LASP1: variants seen among roughly 807,000 people sequenced by gnomAD.
The protein encoded by LASP1 is LIM and SH3 domain protein 1.
Under a neutral mutation model 38.6 loss-of-function variants are expected in LASP1, and 10 were observed. The ratio of observed to expected loss-of-function variants is 0.26; its 90% CI spans 0.16 to 0.44. The LOEUF (loss-of-function observed/expected upper bound fraction) is 0.44. LASP1 is among the 20% of genes least tolerant of loss of function. LASP1 has a pLI of 1.00. For synonymous variants in LASP1, 132 were observed against 140.8 expected (o/e 0.94, Z 0.44); for missense variants, 243 against 375.7 (o/e 0.65, Z 2.92).
At chr17:38,912,966 C>T (rs1598121509) in intron 4 of LASP1, among the ~76,000 whole-genome samples, 1 of 152,160 alleles carries the variant, frequency 6.6e-6, no homozygotes, top group Non-Finnish European at 1.5e-5. Context: ...CTGGTTCCCC[C>T]AAACTGGCCA....
At chr17:38,896,158 C>A (rs1397192051) in intron 3 of LASP1, among the ~76,000 whole-genome samples, 1 of 151,532 alleles carries the variant, frequency 6.6e-6, no homozygotes, top group Non-Finnish European at 1.5e-5. Flanking sequence ...CCTCCCTACA[C>A]CCCTGGCCCC....
chr17:38,874,139 C>G (rs1913689008), intron 1 of LASP1: 1 of 152,590 alleles, frequency 6.6e-6, no homozygotes, highest in Non-Finnish European at 1.5e-5. Flanking sequence ...TTTCTGTGAA[C>G]AGGGAAGCCA....
chr17:38,897,836 C>T (rs1174105065), intron 3 of LASP1, among the ~76,000 whole-genome samples: 1 of 152,232 alleles, frequency 6.6e-6, no homozygotes, highest in East Asian at 1.9e-4. Context: ...CCAACTCTGT[C>T]CTTTGGCACA....
chr17:38,870,514 G>A (rs2143713785), intron 1 of LASP1, among the ~76,000 whole-genome samples: 1 of 152,362 alleles, frequency 6.6e-6, no homozygotes, highest in Non-Finnish European at 1.5e-5. Flanking sequence ...GGGGTTGGGA[G>A]GACGGGAGAG....
chr17:38,870,061 A>AGGC lies in LASP1; in HGVS notation c.-128_-127insGCG. Reference sequence around the variant, plus strand: ...GGGAAGGAGGGCGGAGGCGGAGGCCAGTTCCCCAGCTCCAGCCGCCGTCGC... The same window carrying AGGC: ...GGGAAGGAGGGCGGAGGCGGAGGCCAGGCGTTCCCCAGCTCCAGCCGCCGTCGC... On this transcript the variant is annotated 5_prime_UTR_variant, in exon 1 of 7. Coordinates refer to ENST00000318008, the MANE Select transcript of LASP1 (RefSeq NM_006148.4). The AGGC allele has an allele frequency of 3.2e-6, 3 of 944,626 alleles. No homozygotes were observed. Among genetic ancestry groups the AGGC allele is most frequent in the Non-Finnish European group, 4.9e-6 (3 of 608,180 alleles). The allele number at this position is 944,626 out of a possible 1,614,324, so 58.5% of individuals were successfully genotyped here.
intron 3 of LASP1, among the ~76,000 whole-genome samples, chr17:38,891,860 C>G (rs147338828): frequency 1.5e-4 from 23 of 152,082 alleles, no homozygotes; most frequent in African/African-American, 4.8e-4. Context: ...TCTGGGAGGC[C>G]AAGGTAAGAG....
At chr17:38,909,929 G>A (rs896039985) in intron 4 of LASP1, among the ~76,000 whole-genome samples, 1 of 152,044 alleles carries the variant, frequency 6.6e-6, no homozygotes, top group African/African-American at 2.4e-5. Flanking sequence ...TGTATTTTCA[G>A]TAGAGACAGG....
At chr17:38,914,966 A>G (rs1227639635) in intron 5 of LASP1, 77 bp from the exon 6 acceptor site, 3 of 1,374,070 alleles carry the variant, frequency 2.2e-6, no homozygotes, top group Non-Finnish European at 3.1e-6. Flanking sequence ...AGTGCATGGT[A>G]TGGACTTCTC....
chr17:38,893,450 C>T (rs753062811), intron 3 of LASP1, among the ~76,000 whole-genome samples: 2 of 152,134 alleles, frequency 1.3e-5, no homozygotes, highest in Admixed American at 1.3e-4. Context: ...AGGAGTGTAC[C>T]GACCCTGTTT....
In LASP1 at chr17:38,914,286, G is replaced by A. The variant is rs1478906790; in HGVS notation, c.358-39G>A. 3 of 1,576,984 alleles carry A rather than the reference G, an allele frequency of 1.9e-6. No homozygotes were observed. In the African/African-American group the frequency reaches 4.0e-5, roughly 21 times the overall value. On this transcript the variant is annotated intron_variant, in intron 4 of 6. Coordinates refer to ENST00000318008, the MANE Select transcript of LASP1 (RefSeq NM_006148.4). Reference sequence around the variant, plus strand: ...GTCACGGGAAGGAACTGGGTGGTTTGCAGTGGGACCCTTCACCTAGTGCCT... The same window carrying A: ...GTCACGGGAAGGAACTGGGTGGTTTACAGTGGGACCCTTCACCTAGTGCCT...
intron 4 of LASP1, among the ~76,000 whole-genome samples, chr17:38,902,018 C>T (rs1468435081): frequency 3.3e-5 from 5 of 152,124 alleles, no homozygotes; most frequent in African/African-American, 4.8e-5. Flanking sequence ...CCACCCGCCT[C>T]GGCCTCCCAA....
intron 4 of LASP1, among the ~76,000 whole-genome samples, chr17:38,911,762 A>C (rs879867566): frequency 6.6e-6 from 1 of 151,474 alleles, no homozygotes; most frequent in South Asian, 2.1e-4. Flanking sequence ...GCAATGAGAT[A>C]TGTATGTGAG....
At chr17:38,895,850 G>T (rs138392809) in intron 3 of LASP1, among the ~76,000 whole-genome samples, 2 of 152,346 alleles carry the variant, frequency 1.3e-5, no homozygotes, top group African/African-American at 2.4e-5. Flanking sequence ...TTGTTTGGGT[G>T]TCAGGAGCCT....
chr17:38,878,555 A>C (rs1287623374), intron 2 of LASP1, among the ~76,000 whole-genome samples: 1 of 152,048 alleles, frequency 6.6e-6, no homozygotes, highest in Non-Finnish European at 1.5e-5. Flanking sequence ...GTCTTTCAAG[A>C]ATGAGTGACG....
At chr17:38,892,556 A>G (rs1162717374) in intron 3 of LASP1, among the ~76,000 whole-genome samples, 2 of 134,228 alleles carry the variant, frequency 1.5e-5, no homozygotes, top group Non-Finnish European at 3.1e-5. Context: ...TTGGAGACAC[A>G]CACACACACA....
At chr17:38,908,155 T>G (rs1451162167) in intron 4 of LASP1, among the ~76,000 whole-genome samples, 1 of 152,160 alleles carries the variant, frequency 6.6e-6, no homozygotes, top group East Asian at 1.9e-4. Context: ...GCCCCCAACA[T>G]CAAGGACACC....
chr17:38,887,314 G>C lies in LASP1; in HGVS notation c.165-3106G>C, dbSNP rs541890531. ...CAGAATGGCTCTGATGTTGGGAGGAGGGTCGTCTCGTCTCTGAAGCGCTCC... is the reference window on the plus strand; with the variant it reads ...CAGAATGGCTCTGATGTTGGGAGGACGGTCGTCTCGTCTCTGAAGCGCTCC... On this transcript the variant is annotated intron_variant, in intron 2 of 6. Transcript: ENST00000318008. 2.6e-4 allele frequency among the ~76,000 whole-genome samples: 39 copies of C among 152,186 alleles called. 1 individual carries two copies. In the South Asian group the frequency reaches 6.0e-3, roughly 23 times the overall value.
intron 2 of LASP1, among the ~76,000 whole-genome samples, chr17:38,883,617 A>G (rs1165006375): frequency 6.6e-6 from 1 of 151,916 alleles, no homozygotes; most frequent in Admixed American, 6.6e-5. Flanking sequence ...GGCCTCCTGG[A>G]GCCTGAGGGA....
chr17:38,887,975 T>C (rs1450001012), intron 2 of LASP1, among the ~76,000 whole-genome samples: 1 of 152,074 alleles, frequency 6.6e-6, no homozygotes, highest in African/African-American at 2.4e-5. Flanking sequence ...CAGGAGGCCA[T>C]CTATGGCTTA....
Sources: allele counts gnomAD v4.1 joint callset (sites outside exome capture counted in the v4.1 genomes callset), GRCh38; gene constraint gnomAD v4.1.1; transcripts MANE v1.5; gene names NCBI Gene and HGNC (gene_info 2026-07-23, HGNC 2026-07-21).